The following BANK1 variants were observed in gnomAD, a reference collection of about 807,000 sequenced individuals.
BANK1 encodes B-cell scaffold protein with ankyrin repeats.
BANK1 carries 95 observed loss-of-function variants against 94.5 expected under a neutral mutation model. The observed-to-expected ratio is 1.00, with a 90% CI of 0.85 to 1.19. The LOEUF (loss-of-function observed/expected upper bound fraction) is 1.19. Ranked by LOEUF, BANK1 falls within the 50% of genes most tolerant of loss-of-function variation. BANK1 has a pLI of 0.00. For synonymous variants in BANK1, 334 were observed against 308.4 expected (o/e 1.08, Z -0.87); for missense variants, 987 against 932.2 (o/e 1.06, Z -0.77).
chr4:101,916,032 C>T (rs548670620), intron 6 of BANK1, among the ~76,000 whole-genome samples: 2 of 152,080 alleles, frequency 1.3e-5, no homozygotes, highest in South Asian at 2.1e-4. Context: ...GTTGTTTCTT[C>T]AACTTTTCAG....
Position 102,025,261 on chromosome 4 carries a change from G to C in BANK1, c.1346G>C (p.Gly449Ala), listed in dbSNP as rs375068296. Reference sequence around the variant, plus strand: ...AAGACATACGGGCAGAGTGCAGATGGAGCTGAGGCAAATGAAATGGAAGGG... The same window carrying C: ...AAGACATACGGGCAGAGTGCAGATGCAGCTGAGGCAAATGAAATGGAAGGG... ...SRKTYGQSAD[G>A]AEANEMEGEG... The change falls in exon 9 of 17, where the codon GGA (glycine) becomes GCA (alanine). Residue 449 changes from glycine (G) to alanine (A), a missense_variant. Coordinates refer to ENST00000322953, the MANE Select transcript of BANK1 (RefSeq NM_017935.5). 20 of 1,614,032 alleles carry C rather than the reference G, an allele frequency of 1.2e-5. No homozygotes were observed. Among genetic ancestry groups the C allele is most frequent in the Non-Finnish European group, 1.6e-5 (19 of 1,180,028 alleles).
intron 13 of BANK1, among the ~76,000 whole-genome samples, chr4:102,068,769 A>G (rs183094145): frequency 2.0e-5 from 3 of 152,074 alleles, no homozygotes; most frequent in Admixed American, 1.3e-4. Context: ...TGGAGGTTGC[A>G]GTGAGCCAAG....
At chr4:101,862,726 A>G in intron 4 of BANK1, 62 bp downstream of exon 4, 1 of 1,430,354 alleles carries the variant, frequency 7.0e-7, no homozygotes, top group East Asian at 2.5e-5. Context: ...CAATAAATTT[A>G]TAATAAATGG....
intron 7 of BANK1, among the ~76,000 whole-genome samples, chr4:101,939,288 C>G (rs186406355): frequency 6.6e-6 from 1 of 151,796 alleles, no homozygotes; most frequent in Admixed American, 6.6e-5. Context: ...ACAAGACCGT[C>G]TAAAATGCAA....
At chr4:101,817,330 A>G (rs1725956339) in intron 1 of BANK1, among the ~76,000 whole-genome samples, 1 of 152,230 alleles carries the variant, frequency 6.6e-6, no homozygotes, top group Admixed American at 6.5e-5. Flanking sequence ...CATGTACACC[A>G]TGGAATTCTA....
chr4:101,807,622 C>A (rs987669006), intron 1 of BANK1, among the ~76,000 whole-genome samples: 1 of 152,184 alleles, frequency 6.6e-6, no homozygotes, highest in Non-Finnish European at 1.5e-5. Flanking sequence ...TTGTTAGCAG[C>A]AGGTGTCAGG....
intron 6 of BANK1, among the ~76,000 whole-genome samples, chr4:101,913,458 T>G (rs962943254): frequency 6.6e-6 from 1 of 152,158 alleles, no homozygotes; most frequent in Non-Finnish European, 1.5e-5. Context: ...AACAAACACT[T>G]CACATCTCCC....
intron 5 of BANK1, among the ~76,000 whole-genome samples, chr4:101,893,436 G>A (rs1228739466): frequency 6.6e-6 from 1 of 151,982 alleles, no homozygotes; most frequent in Non-Finnish European, 1.5e-5. Flanking sequence ...AGCTCCTCAT[G>A]TAAAAATGTC....
At chr4:102,042,591 G>T (rs2148955756) in intron 10 of BANK1, among the ~76,000 whole-genome samples, 1 of 152,110 alleles carries the variant, frequency 6.6e-6, no homozygotes, top group South Asian at 2.1e-4. Flanking sequence ...GTTAATCACA[G>T]ATATGTCCTT....
Position 102,042,660 on chromosome 4 carries a change from G to A in BANK1, c.1901-1179G>A, listed in dbSNP as rs72686794. On this transcript the variant is annotated intron_variant, in intron 10 of 16. Transcript: ENST00000322953. Reference sequence around the variant, plus strand: ...AAGACAGAAATCTAGGATAACTGTCGGGATGTTTCTGCCAATCACAGTGGT... The same window carrying A: ...AAGACAGAAATCTAGGATAACTGTCAGGATGTTTCTGCCAATCACAGTGGT... Among the ~76,000 whole-genome samples, 869 of 151,994 alleles carry A rather than the reference G, an allele frequency of 5.7e-3. 4 individuals carry two copies. Among genetic ancestry groups the A allele is most frequent in the Non-Finnish European group, 7.8e-3 (527 of 67,940 alleles).
chr4:101,838,148 G>C (rs956380973), intron 2 of BANK1, among the ~76,000 whole-genome samples: 1 of 152,008 alleles, frequency 6.6e-6, no homozygotes. Flanking sequence ...TAGTAGACAC[G>C]GGGTTTCACC....
At chr4:101,884,972 G>T (rs1728798684) in intron 5 of BANK1, among the ~76,000 whole-genome samples, 1 of 152,202 alleles carries the variant, frequency 6.6e-6, no homozygotes, top group Non-Finnish European at 1.5e-5. Context: ...GCAGTGGCGC[G>T]ATCTGGGTTC....
chr4:101,929,406 C>G (rs1214136292), intron 7 of BANK1, among the ~76,000 whole-genome samples: 3 of 151,378 alleles, frequency 2.0e-5, no homozygotes, highest in African/African-American at 7.3e-5. Flanking sequence ...TTAAAACTTC[C>G]CATAAATAAA....
Position 101,831,662 on chromosome 4 carries a change from A to G in BANK1, c.469+1456A>G, listed in dbSNP as rs189106909. 2.3e-3 allele frequency among the ~76,000 whole-genome samples: 354 copies of G among 152,218 alleles called. 2 individuals carry two copies. The Middle Eastern group carries it at 0.024, about 10-fold the overall frequency. Reference sequence around the variant, plus strand: ...GCTAATTTTTGTATTTTTAGAGGAGATGAGGTTTTACCATGTTGGCCAGGC... The same window carrying G: ...GCTAATTTTTGTATTTTTAGAGGAGGTGAGGTTTTACCATGTTGGCCAGGC... On this transcript the variant is annotated intron_variant, in intron 2 of 16. Transcript: ENST00000322953.
At chr4:101,903,594 G>C (rs1313851988) in intron 6 of BANK1, among the ~76,000 whole-genome samples, 1 of 152,116 alleles carries the variant, frequency 6.6e-6, no homozygotes, top group Non-Finnish European at 1.5e-5. Context: ...CTATGGACTT[G>C]CTTTGCAATT....
At chr4:101,877,878 C>CTT (rs1158541442) in intron 5 of BANK1, among the ~76,000 whole-genome samples, 3 of 152,152 alleles carry the variant, frequency 2.0e-5, no homozygotes, top group Non-Finnish European at 4.4e-5. Context: ...AAGCAAGACT[C>CTT]TGTCTCTAAA....
chr4:102,027,562 A>G (rs1164347877), intron 9 of BANK1, among the ~76,000 whole-genome samples: 3 of 151,978 alleles, frequency 2.0e-5, no homozygotes, highest in Non-Finnish European at 4.4e-5. Flanking sequence ...GCTGTAAGCT[A>G]TCACTTATTT....
chr4:102,007,121 TTTA>T (rs1226765226), intron 7 of BANK1, among the ~76,000 whole-genome samples: 1 of 27,394 alleles, frequency 3.7e-5, no homozygotes, highest in Non-Finnish European at 8.9e-5. Flanking sequence ...AAATATATAT[TTTA>T]TATATATATA....
At chr4:101,959,645 C>G (rs889022482) in intron 7 of BANK1, among the ~76,000 whole-genome samples, 2 of 152,118 alleles carry the variant, frequency 1.3e-5, no homozygotes, top group Non-Finnish European at 2.9e-5. Flanking sequence ...TCTGCAAGCA[C>G]CTTTAGCAAT....
Sources: gnomAD v4.1 joint callset for allele counts (sites outside exome capture counted in the v4.1 genomes callset) on GRCh38, gnomAD v4.1.1 for gene constraint, MANE v1.5 for transcripts, NCBI Gene and HGNC (gene_info 2026-07-23, HGNC 2026-07-21) for gene names.